The following CPVL variants were observed in gnomAD, a reference collection of about 807,000 sequenced individuals.
The protein encoded by CPVL is carboxypeptidase vitellogenic like, also known as probable serine carboxypeptidase CPVL.
Under a neutral mutation model 63.7 loss-of-function variants are expected in CPVL, and 51 were observed. The observed-to-expected ratio is 0.80, with a 90% confidence interval of 0.64 to 1.01. The LOEUF (loss-of-function observed/expected upper bound fraction) is 1.01, where lower values mean the gene tolerates loss of function less well. Ranked by LOEUF, CPVL falls within the 50% of genes least tolerant of loss-of-function variation. CPVL has a pLI of 0.00. For synonymous variants in CPVL, 195 were observed against 206.0 expected, an observed-to-expected ratio of 0.95 and a Z score of 0.46; for missense variants, 530 against 573.1, an observed-to-expected ratio of 0.92 and a Z score of 0.77.
intron 5 of CPVL, among the ~76,000 whole-genome samples, chr7:29,179,260 G>A (rs527593202): frequency 4.6e-5 from 7 of 152,316 alleles, no homozygotes; most frequent in Admixed American, 4.6e-4. Flanking sequence ...GAGTGGGCAT[G>A]GGATGCCATC....
chr7:29,042,369 G>A (rs1337323232), intron 11 of CPVL, among the ~76,000 whole-genome samples: 2 of 152,262 alleles, frequency 1.3e-5, no homozygotes, highest in South Asian at 2.1e-4. Context: ...GTGGGAAGCT[G>A]AGGTAGGAGG....
chr7:29,078,612 A>G (rs905521829), intron 7 of CPVL, among the ~76,000 whole-genome samples: 15 of 152,194 alleles, frequency 9.9e-5, no homozygotes, highest in Admixed American at 8.5e-4. Context: ...CTCATTCTCA[A>G]CCTAAACATC....
intron 12 of CPVL, among the ~76,000 whole-genome samples, chr7:29,025,285 G>T (rs879257481): frequency 4.6e-5 from 7 of 152,186 alleles, no homozygotes; most frequent in African/African-American, 1.2e-4. Flanking sequence ...ACCAACATTT[G>T]CTCAGCTTCT....
At chr7:29,116,988 C>T (rs1196457758) in intron 2 of CPVL, among the ~76,000 whole-genome samples, 2 of 152,078 alleles carry the variant, frequency 1.3e-5, no homozygotes, top group African/African-American at 4.8e-5. Flanking sequence ...GTGAGCTGAC[C>T]ATCTGTCCAG....
At chr7:29,001,042 G>A (rs1012359443) in intron 12 of CPVL, 15 of 147,490 alleles carry the variant, frequency 1.0e-4, no homozygotes, top group African/African-American at 3.3e-4. Context: ...CAAATTAGGA[G>A]ACTACCAAAT....
At chr7:29,055,840 T>C (rs1413909979) in intron 11 of CPVL, among the ~76,000 whole-genome samples, 1 of 152,198 alleles carries the variant, frequency 6.6e-6, no homozygotes, top group African/African-American at 2.4e-5. Flanking sequence ...ATTAAAGGCA[T>C]TACAATTATG....
chr7:29,033,134 T>C (rs981636615), intron 11 of CPVL, among the ~76,000 whole-genome samples: 2 of 152,036 alleles, frequency 1.3e-5, no homozygotes, highest in African/African-American at 4.8e-5. Context: ...GGCACATAAG[T>C]CAAATGCAAC....
chr7:29,146,770 T>C (rs944274947), upstream of CPVL: 14 of 1,549,336 alleles, frequency 9.0e-6, no homozygotes, highest in Non-Finnish European at 1.1e-5. Context: ...TTGTTTTATT[T>C]TGATTTTGTC....
At chr7:29,173,292 T>C (rs1267878209) in intron 5 of CPVL, among the ~76,000 whole-genome samples, 1 of 152,150 alleles carries the variant, frequency 6.6e-6, no homozygotes, top group Non-Finnish European at 1.5e-5. Context: ...CCTGAATGCA[T>C]CTGCCAGGTG....
chr7:29,105,213 C>T (rs1787603217), intron 3 of CPVL, among the ~76,000 whole-genome samples: 1 of 152,138 alleles, frequency 6.6e-6, no homozygotes, highest in African/African-American at 2.4e-5. Flanking sequence ...CCATGGCTAG[C>T]CTGCTAGCCA....
Position 29,057,050 on chromosome 7 carries a change from G to A in CPVL, c.1137+7011C>T, listed in dbSNP as rs535656057. ...GCTGCAACCTTGAACTCTTGGGGTC[G>A]AGTGATCCTCCCACCTCAGCCTCTC... On this transcript the variant is annotated intron_variant, in intron 11 of 12. Transcript: ENST00000265394. 2.2e-3 allele frequency among the ~76,000 whole-genome samples: 332 copies of A among 149,624 alleles called. 1 individual carries two copies. The highest frequency in any genetic ancestry group is 4.7e-3 in the South Asian group (22 of 4,722).
intron 3 of CPVL, among the ~76,000 whole-genome samples, chr7:29,096,938 T>C (rs1260035856): frequency 7.1e-6 from 1 of 140,728 alleles, no homozygotes; most frequent in Non-Finnish European, 1.5e-5. Flanking sequence ...TGAGCCAAGA[T>C]TGCACCACTG....
At chr7:29,092,899 A>G (rs140452930) in intron 5 of CPVL, among the ~76,000 whole-genome samples, 197 bp from the exon 6 acceptor site, 1 of 152,216 alleles carries the variant, frequency 6.6e-6, no homozygotes, top group East Asian at 1.9e-4. Flanking sequence ...CACCCCCTAA[A>G]GCCCAAATAA....
chr7:28,995,000 A>AT (rs935143557), downstream of CPVL, among the ~76,000 whole-genome samples: 3 of 150,912 alleles, frequency 2.0e-5, no homozygotes, highest in Admixed American at 6.6e-5. Flanking sequence ...GCTTATCTTA[A>AT]TTTTTTTTGA....
intron 12 of CPVL, chr7:29,011,109 A>T (rs946053163): frequency 1.3e-5 from 2 of 152,222 alleles, no homozygotes; most frequent in Non-Finnish European, 2.9e-5. Context: ...TAGCTCATAA[A>T]ATCTGTCTGG....
chr7:29,007,749 T>TAA (rs1278660836), intron 12 of CPVL, among the ~76,000 whole-genome samples: 4 of 118,810 alleles, frequency 3.4e-5, no homozygotes, highest in African/African-American at 8.1e-5. Context: ...GATGTAGTAT[T>TAA]AAAACACACA....
chr7:29,143,618 G>C (rs1478062832), intron 1 of CPVL, among the ~76,000 whole-genome samples: 4 of 152,152 alleles, frequency 2.6e-5, no homozygotes, highest in African/African-American at 9.7e-5. Context: ...AAAGGAGGAA[G>C]AGCTTACCTT....
upstream of CPVL, chr7:29,147,241 TA>T (rs1792867981): frequency 5.0e-6 from 2 of 401,734 alleles, no homozygotes; most frequent in Non-Finnish European, 9.0e-6. Context: ...TAACACAAAA[TA>T]AAGGAGGGTC....
intron 3 of CPVL, among the ~76,000 whole-genome samples, chr7:29,110,166 A>C (rs1244731944): frequency 6.6e-6 from 1 of 152,236 alleles, no homozygotes; most frequent in East Asian, 1.9e-4. Context: ...GGTGTCAAAA[A>C]CAAGTAACAA....
Sources: allele counts gnomAD v4.1 joint callset (sites outside exome capture counted in the v4.1 genomes callset), GRCh38; gene constraint gnomAD v4.1.1; transcripts MANE v1.5; gene names NCBI Gene and HGNC (gene_info 2026-07-23, HGNC 2026-07-21).